Variants in ATP4B observed in about 807,000 individuals in gnomAD.
The protein encoded by ATP4B is potassium-transporting ATPase subunit beta.
Under a neutral mutation model 35.3 loss-of-function variants are expected in ATP4B, and 27 were observed. The ratio of observed to expected loss-of-function variants is 0.76; its 90% CI spans 0.56 to 1.05. The LOEUF (loss-of-function observed/expected upper bound fraction) is 1.05, where lower values mean the gene tolerates loss of function less well. ATP4B is among the 50% of genes least tolerant of loss of function. The probability of loss-of-function intolerance (pLI) is 0.00; values close to 1 mark genes in which losing one functional copy is unlikely to be tolerated. For synonymous variants in ATP4B, 162 were observed against 156.0 expected, an observed-to-expected ratio of 1.04 and a Z score of -0.29; for missense variants, 375 against 384.8, an observed-to-expected ratio of 0.97 and a Z score of 0.21.
chr13:113,655,867 G>A (rs567334629), intron 1 of ATP4B, among the ~76,000 whole-genome samples: 2 of 152,356 alleles, frequency 1.3e-5, no homozygotes, highest in East Asian at 3.9e-4. Flanking sequence ...AGGGAGTGCA[G>A]GGCCAAGAGG....
intron 1 of ATP4B, among the ~76,000 whole-genome samples, chr13:113,657,588 C>G (rs900005614): frequency 1.3e-5 from 2 of 152,254 alleles, no homozygotes; most frequent in Non-Finnish European, 2.9e-5. Flanking sequence ...ACCTCCGCAT[C>G]TGGACGCCAG....
intron 1 of ATP4B, among the ~76,000 whole-genome samples, chr13:113,655,827 A>G (rs750224687): frequency 4.6e-5 from 7 of 152,332 alleles, no homozygotes; most frequent in South Asian, 2.1e-4. Context: ...CCAAAACACA[A>G]CCAAAGGGCA....
Position 113,653,426 on chromosome 13 carries a change from A to G in ATP4B, c.250T>C (p.Leu84=). The change falls in exon 3 of 7, where the codon TTA becomes CTA. Residue 84 remains leucine, a synonymous_variant. Coordinates refer to ENST00000335288, the MANE Select transcript of ATP4B (RefSeq NM_000705.4). ...TTCTCCCCGTAAACATCCGGCCTTAAGGTTACCCCTGGAGAGAGAGACCTT... is the reference window on the plus strand; with the variant it reads ...TTCTCCCCGTAAACATCCGGCCTTAGGGTTACCCCTGGAGAGAGAGACCTT... ...QDQLRSPGVT[L]RPDVYGEKGL... 6.2e-7 allele frequency: 1 copy of G among 1,614,086 alleles called. No individual in the cohort carries two copies. The highest frequency in any genetic ancestry group is 1.3e-5 in the African/African-American group (1 of 75,058).
chr13:113,649,403 C>G lies in ATP4B; in HGVS notation c.847G>C (p.Val283Leu). ...TTCTCAATCTTGAGTTTGAACTCCACTTTCCCTTCATACGGGTCGTGGGGA... is the reference window on the plus strand; with the variant it reads ...TTCTCAATCTTGAGTTTGAACTCCAGTTTCCCTTCATACGGGTCGTGGGGA... ...NNPHDPYEGKVEFKLKIEK is the reference protein window; with the variant it reads ...NNPHDPYEGKLEFKLKIEK The change falls in exon 7 of 7, where the codon GTG becomes CTG. Residue 283 changes from valine (V) to leucine (L), a missense_variant. By Grantham distance (32) the Val-to-Leu change is conservative. Coordinates refer to ENST00000335288, the MANE Select transcript of ATP4B (RefSeq NM_000705.4). The surrounding 1 kb of genome is among the most constrained non-coding windows in gnomAD (Gnocchi z 4.7). 2.5e-6 allele frequency: 4 copies of G among 1,594,716 alleles called. No homozygotes were observed. Among genetic ancestry groups the G allele is most frequent in the Non-Finnish European group, 3.4e-6 (4 of 1,169,344 alleles).
Position 113,654,918 on chromosome 13 carries a change from GCCAC to G in ATP4B, c.133_136del (p.Val45ProfsTer5), listed in dbSNP as rs764059020. 6.8e-6 allele frequency: 11 copies of G among 1,614,198 alleles called. No homozygotes were observed. The South Asian group carries it at 1.2e-4, about 18-fold the overall frequency. ...GAGCCCAGTCATCACCACGTAGAAG[GCCAC>G]GTAGTACAGGCTGATCCACACTGCG... is the stretch of plus-strand genomic sequence containing the variant. On this transcript the variant is annotated frameshift_variant, in exon 2 of 7. Transcript: ENST00000335288. LOFTEE classifies it high-confidence loss of function.
At position 113,653,432 on chromosome 13, in the gene ATP4B, C is replaced by T. The variant is rs1260866399; in HGVS notation, c.244G>A (p.Val82Ile). 2 of 1,613,514 alleles carry T rather than the reference C, an allele frequency of 1.2e-6. No individual in the cohort carries two copies. Among genetic ancestry groups the T allele is most frequent in the Middle Eastern group, 1.6e-4 (1 of 6,076 alleles). Residue 82 changes from valine to isoleucine, a missense_variant and splice_region_variant, in exon 3 of 7, where the codon GTA becomes ATA. Physicochemically the swap from Val to Ile is conservative, Grantham distance 29 (BLOSUM62 3). Transcript: ENST00000335288. ...DYQDQLRSPG[V>I]TLRPDVYGEK... ...CCGTAAACATCCGGCCTTAAGGTTA[C>T]CCCTGGAGAGAGAGACCTTTGTGCT...
rs761237575 is a variant in ATP4B, at chr13:113,649,422, G to A, written c.828C>T (p.His276=). The A allele has an allele frequency of 8.2e-6, 13 of 1,588,056 alleles. No individual in the cohort carries two copies. The highest frequency in any genetic ancestry group is 2.7e-5 in the African/African-American group (2 of 74,570). ...ACTCCACTTTCCCTTCATACGGGTC[G>A]TGGGGATTGTTGAAGGTCACGTGCT... ...MAEHVTFNNP[H]DPYEGKVEFK... Residue 276 remains histidine (H), a synonymous_variant, in exon 7 of 7, where the codon CAC becomes CAT. Coordinates refer to ENST00000335288, the MANE Select transcript of ATP4B (RefSeq NM_000705.4). The surrounding 1 kb of genome is among the most constrained non-coding windows in gnomAD (Gnocchi z 4.7).
At position 113,654,902 on chromosome 13, in the gene ATP4B, C is replaced by T. The variant is rs1417516518; in HGVS notation, c.153G>A (p.Met51Ile). 6.2e-7 allele frequency: 1 copy of T among 1,614,124 alleles called. No homozygotes were observed. The highest frequency in any genetic ancestry group is 1.7e-5 in the Admixed American group (1 of 60,014). ...SLYYVAFYVV[M>I]TGLFALCLYV... ...AGAGGCACAGGGCGAAGAGCCCAGT[C>T]ATCACCACGTAGAAGGCCACGTAGT... The change falls in exon 2 of 7, where the codon ATG becomes ATA. Residue 51 changes from methionine (M) to isoleucine (I), a missense_variant. By Grantham distance (10) the Met-to-Ile change is conservative (BLOSUM62 1). Transcript: ENST00000335288.
rs112227896 is a variant in ATP4B, at chr13:113,658,091, C to T, written c.54G>A (p.Gln18=). ...KTCGQRMEEF[Q]RYCWNPDTGQ... is the part of the protein sequence containing the mutation. ...CCGTGTCCGGGTTCCAGCAGTAACGCTGGAACTCCTCCATGCGCTGGCCAC... is the reference window on the plus strand; with the variant it reads ...CCGTGTCCGGGTTCCAGCAGTAACGTTGGAACTCCTCCATGCGCTGGCCAC... Residue 18 remains glutamine (Q), a synonymous_variant, in exon 1 of 7, where the codon CAG becomes CAA. Transcript: ENST00000335288. 3.3e-3 allele frequency: 5,266 copies of T among 1,612,466 alleles called. 160 individuals carry two copies. The African/African-American group carries it at 0.062, about 19-fold the overall frequency.
Position 113,653,313 on chromosome 13 carries a change from C to T in ATP4B, c.355+8G>A. On this transcript the variant is annotated splice_region_variant and intron_variant, in intron 3 of 6. Coordinates refer to ENST00000335288, the MANE Select transcript of ATP4B (RefSeq NM_000705.4). ...GCTTCACACCTCACCTGCCGTTTCA[C>T]ACCTCACCTGCTAGGAAGGCGTGGA... is the stretch of plus-strand genomic sequence containing the variant. The T allele has an allele frequency of 6.2e-7, 1 of 1,612,374 alleles. No individual in the cohort carries two copies. Among genetic ancestry groups the T allele is most frequent in the Non-Finnish European group, 8.5e-7 (1 of 1,178,956 alleles).
chr13:113,649,364 G>A lies in ATP4B; in HGVS notation c.*10C>T, dbSNP rs116007379. The A allele has an allele frequency of 7.6e-4, 1,213 of 1,587,950 alleles. 13 individuals carry two copies. The African/African-American group carries it at 0.013, about 17-fold the overall frequency. On this transcript the variant is annotated 3_prime_UTR_variant, in exon 7 of 7. Transcript: ENST00000335288. This position sits in a 1 kb window ranked among gnomAD's most constrained non-coding sequence, Gnocchi z 4.7. ...CCGCAGGCGTGCCCAGGACCCCTGC[G>A]CAAACCGTTTCACTTCTCAATCTTG...
chr13:113,651,524 T>C, intron 5 of ATP4B, 147 bp downstream of exon 5: 1 of 865,198 alleles, frequency 1.2e-6, no homozygotes, highest in Non-Finnish European at 1.7e-6. Flanking sequence ...CTCGCTGTGG[T>C]GATGGTTCGG....
At chr13:113,653,515 CG>C in intron 2 of ATP4B, 81 bp from the exon 3 acceptor site, 1 of 1,313,242 alleles carries the variant, frequency 7.6e-7, no homozygotes, top group South Asian at 1.2e-5. Context: ...GCTGAGGATA[CG>C]CCAGAGGCGG....
At position 113,649,228 on chromosome 13, in the gene ATP4B, C is replaced by T; in HGVS notation, c.*146G>A. On this transcript the variant is annotated 3_prime_UTR_variant, in exon 7 of 7. Transcript: ENST00000335288. The surrounding 1 kb of genome is among the most constrained non-coding windows in gnomAD (Gnocchi z 4.7). ...GCAGGTCCTTCAGATGTGGGCGCTT[C>T]TCTGGAGTTCGCACACTGACAACAC... 7.7e-6 allele frequency: 7 copies of T among 909,244 alleles called. No homozygotes were observed. Among genetic ancestry groups the T allele is most frequent in the Non-Finnish European group, 1.1e-5 (7 of 627,118 alleles). The allele number at this position is 909,244 out of a possible 1,614,324, so 56.3% of individuals were successfully genotyped here. A position where few individuals can be genotyped will look rare whatever the true frequency, so the allele number is the denominator to read the frequency against.
At position 113,650,360 on chromosome 13, in the gene ATP4B, G is replaced by C. The variant is rs1224983412; in HGVS notation, c.714+46C>G. Reference sequence around the variant, plus strand: ...TGCTTTCCTTTCGCTAAGTGTGAGAGGACTCAGCAGCTGTGGTGAGGGAAG... The same window carrying C: ...TGCTTTCCTTTCGCTAAGTGTGAGACGACTCAGCAGCTGTGGTGAGGGAAG... On this transcript the variant is annotated intron_variant, in intron 6 of 6. Transcript: ENST00000335288. This position sits in a 1 kb window ranked among gnomAD's most constrained non-coding sequence, Gnocchi z 5.0. 6.5e-7 allele frequency: 1 copy of C among 1,549,514 alleles called. No homozygotes were observed.
At chr13:113,654,128 C>T (rs957188810) in intron 2 of ATP4B, among the ~76,000 whole-genome samples, 3 of 152,178 alleles carry the variant, frequency 2.0e-5, no homozygotes, top group Non-Finnish European at 4.4e-5. Flanking sequence ...TTGTGTGAAG[C>T]CTGCAGTTTG....
In ATP4B at chr13:113,650,519, A is replaced by G; in HGVS notation, c.613-12T>C. 1 of 1,605,834 alleles carries G rather than the reference A, an allele frequency of 6.2e-7. No individual in the cohort carries two copies. Among genetic ancestry groups the G allele is most frequent in the Non-Finnish European group, 8.5e-7 (1 of 1,175,698 alleles). Reference sequence around the variant, plus strand: ...TCGCGGGGCTGGTCCTGGGGAGGAGAGGCCACTGCCTGAGTCAGGCGGGAG... The same window carrying G: ...TCGCGGGGCTGGTCCTGGGGAGGAGGGGCCACTGCCTGAGTCAGGCGGGAG... On this transcript the variant is annotated splice_polypyrimidine_tract_variant and intron_variant, in intron 5 of 6. Transcript: ENST00000335288. This position sits in a 1 kb window ranked among gnomAD's most constrained non-coding sequence, Gnocchi z 5.0.
intron 1 of ATP4B, among the ~76,000 whole-genome samples, chr13:113,657,198 G>A (rs1387391614): frequency 6.6e-6 from 1 of 151,984 alleles, no homozygotes; most frequent in African/African-American, 2.4e-5. Flanking sequence ...TTCCCACCTC[G>A]GCTCTGGGAC....
chr13:113,649,473 G>C lies in ATP4B; in HGVS notation c.777C>G (p.Val259=), dbSNP rs776260990. Residue 259 remains valine (V), a synonymous_variant, in exon 7 of 7, where the codon GTC becomes GTG. Coordinates refer to ENST00000335288, the MANE Select transcript of ATP4B (RefSeq NM_000705.4). This position sits in a 1 kb window ranked among gnomAD's most constrained non-coding sequence, Gnocchi z 4.7. Reference sequence around the variant, plus strand: ...CCGCCATGACCTTGCACACGATGGCGACCTCAGCGTTCCTGGGGATGTTGA... The same window carrying C: ...CCGCCATGACCTTGCACACGATGGCCACCTCAGCGTTCCTGGGGATGTTGA... ...KLLNIPRNAE[V]AIVCKVMAEH... 17 of 1,560,130 alleles carry C rather than the reference G, an allele frequency of 1.1e-5. No individual in the cohort carries two copies. The highest frequency in any genetic ancestry group is 1.4e-5 in the Non-Finnish European group (16 of 1,150,292).
Sources: gnomAD v4.1 joint callset for allele counts (sites outside exome capture counted in the v4.1 genomes callset) on GRCh38, gnomAD v4.1.1 for gene constraint, Gnocchi (gnomAD v3.1) non-coding constraint, MANE v1.5 for transcripts, NCBI Gene and HGNC (gene_info 2026-07-23, HGNC 2026-07-21) for gene names.